DGKB: variants seen among roughly 807,000 people sequenced by gnomAD.
DGKB encodes the protein diacylglycerol kinase beta.
A neutral mutation model predicts 114.3 loss-of-function variants in DGKB; 67 were observed. The ratio of observed to expected loss-of-function variants is 0.59; its 90% confidence interval spans 0.48 to 0.72. The LOEUF (loss-of-function observed/expected upper bound fraction) is 0.72, where lower values mean the gene tolerates loss of function less well. DGKB is among the 30% of genes least tolerant of loss of function. The pLI is 0.00. For missense variants in DGKB, 907 were observed against 975.2 expected, an observed-to-expected ratio of 0.93 and a Z score of 0.93; for synonymous variants, 398 against 323.1, an observed-to-expected ratio of 1.23 and a Z score of -2.49.
At chr7:14,529,722 A>C (rs557544100) in intron 20 of DGKB, among the ~76,000 whole-genome samples, 5 of 151,924 alleles carry the variant, frequency 3.3e-5, no homozygotes, top group African/African-American at 1.2e-4. Flanking sequence ...TTAATATCAT[A>C]ATTTTTTAGT....
chr7:14,514,195 A>G (rs1234457440), intron 20 of DGKB, among the ~76,000 whole-genome samples: 1 of 152,066 alleles, frequency 6.6e-6, no homozygotes, highest in Non-Finnish European at 1.5e-5. Flanking sequence ...CTAAATTGTG[A>G]TATACATTTT....
chr7:14,533,312 G>C (rs1307081549), intron 20 of DGKB, among the ~76,000 whole-genome samples: 1 of 151,680 alleles, frequency 6.6e-6, no homozygotes, highest in African/African-American at 2.4e-5. Flanking sequence ...GTGAATGAAT[G>C]AACTTGAAAA....
intron 25 of DGKB, among the ~76,000 whole-genome samples, chr7:14,151,109 G>A (rs1286022767): frequency 6.6e-6 from 1 of 151,970 alleles, no homozygotes; most frequent in Non-Finnish European, 1.5e-5. Context: ...AATGAGTACT[G>A]GGAAAGCAGT....
At chr7:14,674,408 A>T (rs1342812306) in intron 12 of DGKB, among the ~76,000 whole-genome samples, 1 of 152,162 alleles carries the variant, frequency 6.6e-6, no homozygotes, top group Non-Finnish European at 1.5e-5. Context: ...TCCTCAAAAT[A>T]AAATTAGTGA....
At chr7:14,713,494 T>C (rs561141466) in intron 6 of DGKB, among the ~76,000 whole-genome samples, 1 of 152,180 alleles carries the variant, frequency 6.6e-6, no homozygotes, top group African/African-American at 2.4e-5. Flanking sequence ...TCGCCTTTTA[T>C]TCATAAGAGA....
intron 5 of DGKB, among the ~76,000 whole-genome samples, chr7:14,731,974 A>G (rs748163854): frequency 6.6e-6 from 1 of 152,194 alleles, no homozygotes; most frequent in Non-Finnish European, 1.5e-5. Flanking sequence ...CACTTATATT[A>G]CAACAAATTA....
chr7:14,654,605 T>C (rs1156973752), intron 13 of DGKB, among the ~76,000 whole-genome samples: 3 of 151,924 alleles, frequency 2.0e-5, no homozygotes, highest in Non-Finnish European at 4.4e-5. Flanking sequence ...AAGGGAGGAA[T>C]AACACTATGT....
At chr7:14,168,840 G>C (rs1310055109) in intron 25 of DGKB, among the ~76,000 whole-genome samples, 1 of 152,172 alleles carries the variant, frequency 6.6e-6, no homozygotes, top group Non-Finnish European at 1.5e-5. Flanking sequence ...AGTTAAAAAG[G>C]CTTCATGAGG....
intron 21 of DGKB, among the ~76,000 whole-genome samples, chr7:14,417,667 G>T (rs143743942): frequency 6.4e-4 from 96 of 151,180 alleles, no homozygotes; most frequent in African/African-American, 2.3e-3. Context: ...GTGAAAATTG[G>T]AAAGTAAAAT....
intron 2 of DGKB, among the ~76,000 whole-genome samples, chr7:14,813,226 T>C (rs1029490783): frequency 5.9e-5 from 9 of 152,170 alleles, no homozygotes; most frequent in Admixed American, 2.0e-4. Flanking sequence ...CTATTTTTAT[T>C]TGCAAGTCTT....
intron 4 of DGKB, among the ~76,000 whole-genome samples, chr7:14,753,093 T>C (rs2128438566): frequency 6.6e-6 from 1 of 152,308 alleles, no homozygotes; most frequent in Middle Eastern, 3.4e-3. Flanking sequence ...ACCAGTATCA[T>C]TCTGATGTTA....
At chr7:14,549,413 T>TA (rs1794790519) in intron 20 of DGKB, among the ~76,000 whole-genome samples, 1 of 151,632 alleles carries the variant, frequency 6.6e-6, no homozygotes, top group Admixed American at 6.6e-5. Context: ...TATTTTTTTT[T>TA]AAAAAATTGA....
At chr7:14,194,421 G>A (rs1013061416) in intron 23 of DGKB, among the ~76,000 whole-genome samples, 10 of 152,084 alleles carry the variant, frequency 6.6e-5, no homozygotes, top group Admixed American at 5.2e-4. Flanking sequence ...GGAGGACACC[G>A]TGTTAACCGA....
intron 23 of DGKB, among the ~76,000 whole-genome samples, chr7:14,245,812 C>T (rs1044687252): frequency 2.0e-5 from 3 of 152,102 alleles, no homozygotes; most frequent in African/African-American, 7.2e-5. Context: ...CCTGTAGTCC[C>T]AGCTACTCGA....
chr7:14,359,721 T>C (rs1815321339), intron 21 of DGKB, among the ~76,000 whole-genome samples: 1 of 152,142 alleles, frequency 6.6e-6, no homozygotes, highest in East Asian at 1.9e-4. Context: ...GAAAAAATGC[T>C]CATCACTGGT....
At chr7:14,937,160 A>G (rs896373596) in intron 1 of DGKB, among the ~76,000 whole-genome samples, 3 of 152,076 alleles carry the variant, frequency 2.0e-5, no homozygotes, top group Non-Finnish European at 2.9e-5. Context: ...TACAATGTAT[A>G]TACTATCAAC....
At chr7:14,437,461 TG>T in intron 21 of DGKB, among the ~76,000 whole-genome samples, 2 of 152,242 alleles carry the variant, frequency 1.3e-5, no homozygotes, top group Non-Finnish European at 2.9e-5. Flanking sequence ...CAGTACTGAC[TG>T]TGCGGAAAAT....
chr7:14,159,508 A>G (rs1446733534), intron 25 of DGKB, among the ~76,000 whole-genome samples: 2 of 152,228 alleles, frequency 1.3e-5, no homozygotes, highest in South Asian at 4.2e-4. Context: ...TTGTGGGACT[A>G]TTTGAGTTAT....
At chr7:14,849,551 G>A (rs1026512340) in intron 1 of DGKB, among the ~76,000 whole-genome samples, 2 of 151,998 alleles carry the variant, frequency 1.3e-5, no homozygotes, top group African/African-American at 4.8e-5. Context: ...CTCCAATACT[G>A]TTATAAAATA....
Sources: allele counts gnomAD v4.1 joint callset (sites outside exome capture counted in the v4.1 genomes callset), GRCh38; gene constraint gnomAD v4.1.1; transcripts MANE v1.5; gene names NCBI Gene and HGNC (gene_info 2026-07-23, HGNC 2026-07-21).